The following ABCA13 variants were observed in gnomAD, a reference collection of about 807,000 sequenced individuals.
The protein encoded by ABCA13 is ATP binding cassette subfamily A member 13.
In ABCA13, 476 loss-of-function variants were observed where a neutral mutation model predicts 478.7. That is an observed-to-expected ratio of 0.99 (90% CI 0.92 to 1.07). The LOEUF (loss-of-function observed/expected upper bound fraction) is 1.07. Among genes scored for constraint, ABCA13 ranks in the 50% least tolerant of loss-of-function variants. ABCA13 has a pLI of 0.00. For missense variants in ABCA13, 6,060 were observed against 5,910.6 expected, an observed-to-expected ratio of 1.03 and a Z score of -0.83; for synonymous variants, 2,252 against 2,158.9, an observed-to-expected ratio of 1.04 and a Z score of -1.20.
Position 48,229,866 on chromosome 7 carries a change from A to G in ABCA13, c.674A>G (p.Asn225Ser), listed in dbSNP as rs201583707. 3.9e-4 allele frequency: 627 copies of G among 1,614,010 alleles called. No homozygotes were observed. Among genetic ancestry groups the G allele is most frequent in the Non-Finnish European group, 4.9e-4 (578 of 1,179,888 alleles). Residue 225 changes from asparagine (N) to serine (S), a missense_variant, in exon 7 of 62, where the codon AAC becomes AGC. Transcript: ENST00000435803. ...GAAGATTTAGATTGGCTTCCACTCAACCAAACTTTTTCCCAGGTTTCTGAA... is the reference window on the plus strand; with the variant it reads ...GAAGATTTAGATTGGCTTCCACTCAGCCAAACTTTTTCCCAGGTTTCTGAA... ...SLEDLDWLPL[N>S]QTFSQVSELV...
chr7:48,636,145 G>C (rs1345485696), intron 59 of ABCA13, among the ~76,000 whole-genome samples: 2 of 151,942 alleles, frequency 1.3e-5, no homozygotes, highest in Non-Finnish European at 2.9e-5. Flanking sequence ...TCTCATTATT[G>C]TAAATATTTA....
intron 29 of ABCA13, among the ~76,000 whole-genome samples, chr7:48,344,166 A>C (rs1234126439): frequency 6.6e-6 from 1 of 152,120 alleles, no homozygotes; most frequent in Non-Finnish European, 1.5e-5. Context: ...CCTCTAAGGG[A>C]TGTGTGGTTA....
chr7:48,196,131 A>G (rs1797898041), intron 2 of ABCA13, among the ~76,000 whole-genome samples: 1 of 152,182 alleles, frequency 6.6e-6, no homozygotes, highest in African/African-American at 2.4e-5. Flanking sequence ...TTAGTTGTAA[A>G]TGATAGAGAG....
Position 48,387,827 on chromosome 7 carries a change from T to G in ABCA13, c.11341T>G (p.Phe3781Val). 2 of 1,575,524 alleles carry G rather than the reference T, an allele frequency of 1.3e-6. No individual in the cohort carries two copies. Among genetic ancestry groups the G allele is most frequent in the Non-Finnish European group, 1.7e-6 (2 of 1,165,600 alleles). Residue 3781 changes from phenylalanine (F) to valine (V), a missense_variant, in exon 36 of 62, where the codon TTT becomes GTT. Phe to Val is a conservative substitution (Grantham distance 50, BLOSUM62 -1). Around this residue, in one of 3 missense-constraint regions of ABCA13, gnomAD observed 1,627 missense variants for 1,571.0 expected, o/e 1.04. Transcript: ENST00000435803. ...WYLSNLIPGT[F>V]GLRKPWYFPF... The stretch of plus-strand genomic sequence containing the variant: ...TTAATTGTTTCATTTTTTAGGAACA[T>G]TTGGTTTACGGAAACCATGGTATTT...
intron 23 of ABCA13, among the ~76,000 whole-genome samples, chr7:48,309,680 G>A (rs970027132): frequency 8.5e-5 from 13 of 152,114 alleles, no homozygotes; most frequent in Admixed American, 7.2e-4. Context: ...GAGAGCAGAG[G>A]GACAGAGTTT....
At chr7:48,452,436 C>T (rs549478492) in intron 42 of ABCA13, among the ~76,000 whole-genome samples, 1 of 152,278 alleles carries the variant, frequency 6.6e-6, no homozygotes, top group Non-Finnish European at 1.5e-5. Context: ...TGAACCCAGG[C>T]CAGTGTGCAC....
At chr7:48,615,476 A>G (rs895380449) in intron 59 of ABCA13, 99 bp downstream of exon 59, 17 of 1,047,894 alleles carry the variant, frequency 1.6e-5, no homozygotes, top group Admixed American at 2.3e-5. Context: ...GTATGTTCCA[A>G]TTACCTGCTG....
At chr7:48,520,838 G>A (rs73694660) in intron 53 of ABCA13, among the ~76,000 whole-genome samples, 10,197 of 152,182 alleles carry the variant, frequency 0.067, 445 homozygotes, top group African/African-American at 0.11. Flanking sequence ...TTACTTTGAA[G>A]CAGCTAAGGT....
intron 35 of ABCA13, among the ~76,000 whole-genome samples, chr7:48,385,751 G>A (rs1815081581): frequency 6.6e-6 from 1 of 152,144 alleles, no homozygotes; most frequent in Non-Finnish European, 1.5e-5. Context: ...TTCCACAATA[G>A]TTGAACTAAT....
intron 59 of ABCA13, among the ~76,000 whole-genome samples, chr7:48,623,410 C>T (rs1198128923): frequency 2.6e-5 from 4 of 152,140 alleles, no homozygotes; most frequent in East Asian, 3.9e-4. Flanking sequence ...ATAACATAAT[C>T]GATTTCCCTT....
rs574527482 is a variant in ABCA13 at position 48,227,578 on chromosome 7, C to T, written c.632+153C>T. On this transcript the variant is annotated intron_variant, in intron 6 of 61. Coordinates refer to ENST00000435803, the MANE Select transcript of ABCA13 (RefSeq NM_152701.5). Reference sequence around the variant, plus strand: ...AGAGGAGCTTCTGCACCTCCACGAACGTCCCTCATCTGTCTGTGTACATAT... The same window carrying T: ...AGAGGAGCTTCTGCACCTCCACGAATGTCCCTCATCTGTCTGTGTACATAT... 261 of 842,524 alleles carry T rather than the reference C, an allele frequency of 3.1e-4. 1 individual carries two copies. Among genetic ancestry groups the T allele is most frequent in the Non-Finnish European group, 4.3e-4 (235 of 544,336 alleles). 52.2% of individuals were successfully genotyped at this position (842,524 alleles called of 1,614,324 possible). A position where few individuals can be genotyped will look rare whatever the true frequency, so the allele number is the denominator to read the frequency against.
At chr7:48,317,425 C>A (rs1802758893) in intron 27 of ABCA13, 129 bp downstream of exon 27, 1 of 1,062,960 alleles carries the variant, frequency 9.4e-7, no homozygotes. Flanking sequence ...GAATCTACTT[C>A]ATTTTAGCCT....
intron 59 of ABCA13, among the ~76,000 whole-genome samples, chr7:48,628,754 T>C (rs546532425): frequency 2.0e-5 from 3 of 152,356 alleles, no homozygotes; most frequent in Admixed American, 6.5e-5. Flanking sequence ...TAGTGCCAGG[T>C]ACATAAATGT....
At chr7:48,438,899 T>TTTTTTTTTAA in intron 42 of ABCA13, among the ~76,000 whole-genome samples, 1 of 150,560 alleles carries the variant, frequency 6.6e-6, no homozygotes, top group East Asian at 1.9e-4. Flanking sequence ...TTTTTTTTTT[T>TTTTTTTTTAA]AAAAAACTAA....
intron 29 of ABCA13, among the ~76,000 whole-genome samples, chr7:48,339,174 A>G (rs1318945036): frequency 6.6e-6 from 1 of 152,168 alleles, no homozygotes; most frequent in Non-Finnish European, 1.5e-5. Flanking sequence ...TACATGGGAA[A>G]GGGTTTCGGA....
intron 54 of ABCA13, among the ~76,000 whole-genome samples, chr7:48,525,042 A>G (rs1832795529): frequency 2.6e-5 from 4 of 152,318 alleles, no homozygotes. Flanking sequence ...TTGCATTCAT[A>G]CGGTTCCCAG....
rs1828224421 is a variant in ABCA13, at chr7:48,477,381, C to T, written c.12976-3655C>T. Among the ~76,000 whole-genome samples the T allele has an allele frequency of 2.0e-5, 3 of 152,002 alleles. No individual in the cohort carries two copies. In the South Asian group the frequency reaches 6.2e-4, roughly 31 times the overall value. ...GAAATACCATTTGAGCCAGCCATCC[C>T]ATTACTAGGTATATACCCAAAGGAC... On this transcript the variant is annotated intron_variant, in intron 45 of 61. Coordinates refer to ENST00000435803, the MANE Select transcript of ABCA13 (RefSeq NM_152701.5).
At chr7:48,602,766 A>G (rs1273220935) in intron 58 of ABCA13, among the ~76,000 whole-genome samples, 1 of 152,052 alleles carries the variant, frequency 6.6e-6, no homozygotes, top group East Asian at 1.9e-4. Context: ...TCTGTGAAGA[A>G]AGTCAGTGGT....
At chr7:48,593,119 TCTGG>T (rs1394151794) in intron 57 of ABCA13, among the ~76,000 whole-genome samples, 1 of 152,056 alleles carries the variant, frequency 6.6e-6, no homozygotes, top group East Asian at 1.9e-4. Context: ...TTAATTGTTT[TCTGG>T]CTATTTTTAA....
Sources: gnomAD v4.1 joint callset for allele counts (sites outside exome capture counted in the v4.1 genomes callset) on GRCh38, gnomAD v4.1.1 for gene constraint, gnomAD v4.1.1 regional missense constraint, MANE v1.5 for transcripts, NCBI Gene and HGNC (gene_info 2026-07-23, HGNC 2026-07-21) for gene names.